Variants in SNX13 observed in about 807,000 individuals in gnomAD.
The protein encoded by SNX13 is sorting nexin-13.
A neutral mutation model predicts 133.6 loss-of-function variants in SNX13; 45 were observed. That is an observed-to-expected ratio of 0.34 (90% CI 0.27 to 0.43). The LOEUF (loss-of-function observed/expected upper bound fraction) is 0.43, where lower values mean the gene tolerates loss of function less well. Ranked by LOEUF, SNX13 falls within the 20% of genes least tolerant of loss-of-function variation. The probability of loss-of-function intolerance (pLI) is 1.00; values close to 1 mark genes in which losing one functional copy is unlikely to be tolerated. For synonymous variants in SNX13, 414 were observed against 373.9 expected (o/e 1.11, Z -1.24); for missense variants, 1,032 against 1,145.1 (o/e 0.90, Z 1.43).
chr7:17,814,729 T>C, intron 20 of SNX13, 105 bp downstream of exon 20: 2 of 934,184 alleles, frequency 2.1e-6, no homozygotes, highest in Non-Finnish European at 3.1e-6. Flanking sequence ...TAAAATTTTC[T>C]AGTTTTAAAA....
At chr7:17,916,044 G>A (rs997298283) in intron 1 of SNX13, among the ~76,000 whole-genome samples, 5 of 152,102 alleles carry the variant, frequency 3.3e-5, no homozygotes, top group Non-Finnish European at 7.4e-5. Context: ...TAAACATCCT[G>A]CTCCTGAATG....
At chr7:17,828,475 A>G (rs1788144667) in intron 16 of SNX13, among the ~76,000 whole-genome samples, 1 of 151,700 alleles carries the variant, frequency 6.6e-6, no homozygotes, top group Non-Finnish European at 1.5e-5. Context: ...AATGCTTGTA[A>G]TTTACCTACC....
At chr7:17,916,384 A>T (rs2128028893) in intron 1 of SNX13, among the ~76,000 whole-genome samples, 1 of 152,312 alleles carries the variant, frequency 6.6e-6, no homozygotes, top group East Asian at 1.9e-4. Flanking sequence ...TGGTTATTTG[A>T]AAGGATAAAT....
intron 1 of SNX13, among the ~76,000 whole-genome samples, chr7:17,916,333 G>C (rs1799562668): frequency 6.6e-6 from 1 of 152,112 alleles, no homozygotes; most frequent in Admixed American, 6.6e-5. Context: ...CAATGAAATT[G>C]AAAGCCAAAA....
intron 16 of SNX13, among the ~76,000 whole-genome samples, chr7:17,829,587 A>T (rs1427621724): frequency 6.6e-6 from 1 of 151,444 alleles, no homozygotes; most frequent in African/African-American, 2.4e-5. Context: ...GGTTTTGGTT[A>T]TCCCCACTAG....
intron 20 of SNX13, among the ~76,000 whole-genome samples, chr7:17,808,301 G>A (rs1013403178): frequency 2.5e-4 from 38 of 152,168 alleles, no homozygotes; most frequent in Non-Finnish European, 8.8e-5. Flanking sequence ...AGAACTTTGT[G>A]AAGCATACAC....
At chr7:17,848,688 G>A (rs565445136) in intron 11 of SNX13, among the ~76,000 whole-genome samples, 1 of 152,292 alleles carries the variant, frequency 6.6e-6, no homozygotes, top group African/African-American at 2.4e-5. Context: ...CAGTGGGTCC[G>A]AGTGAGTGGA....
intron 9 of SNX13, among the ~76,000 whole-genome samples, chr7:17,860,005 T>C (rs1792452248): frequency 6.6e-6 from 1 of 152,164 alleles, no homozygotes; most frequent in South Asian, 2.1e-4. Flanking sequence ...TTCTTTTGGA[T>C]AGAGACCTAG....
At chr7:17,938,122 G>A (rs528219796) in intron 1 of SNX13, among the ~76,000 whole-genome samples, 3 of 152,218 alleles carry the variant, frequency 2.0e-5, no homozygotes, top group South Asian at 2.1e-4. Context: ...CTCAAAATAG[G>A]ACTAGTTTAC....
chr7:17,841,583 C>CACACACACACAT (rs1491551329), intron 12 of SNX13, among the ~76,000 whole-genome samples: 2 of 150,352 alleles, frequency 1.3e-5, no homozygotes, highest in African/African-American at 4.9e-5. Flanking sequence ...CACACACACA[C>CACACACACACAT]GCACACACAC....
rs1468251466 is a variant in SNX13 at position 17,790,985 on chromosome 7, A to G, written c.*3060T>C. On this transcript the variant is annotated 3_prime_UTR_variant, in exon 26 of 26. Transcript: ENST00000428135. ...ATTATAATCCTAAAATGTGCTCTTC[A>G]TATTTTTTCCCTTGTAATACAGGAG... 1 of 152,034 alleles carries G rather than the reference A, an allele frequency of 6.6e-6. No homozygotes were observed. The highest frequency in any genetic ancestry group is 2.4e-5 in the African/African-American group (1 of 41,440). The allele number at this position is 152,034 out of a possible 1,614,324, so 9.4% of individuals were successfully genotyped here. A position where few individuals can be genotyped will look rare whatever the true frequency, so the allele number is the denominator to read the frequency against.
chr7:17,859,779 C>G lies in SNX13; in HGVS notation c.837+8628G>C, dbSNP rs139938212. On this transcript the variant is annotated intron_variant, in intron 9 of 25. Coordinates refer to ENST00000428135, the MANE Select transcript of SNX13 (RefSeq NM_015132.5). Reference sequence around the variant, plus strand: ...TTGTCTTTCTGTGATAAGCTTATTTCACTTAACACAGTATTCTCAAGGTTC... The same window carrying G: ...TTGTCTTTCTGTGATAAGCTTATTTGACTTAACACAGTATTCTCAAGGTTC... Among the ~76,000 whole-genome samples, 747 of 152,232 alleles carry G rather than the reference C, an allele frequency of 4.9e-3. 5 individuals carry two copies. Among genetic ancestry groups the G allele is most frequent in the African/African-American group, 0.017 (721 of 41,562 alleles).
chr7:17,873,013 T>A (rs1161114717), intron 8 of SNX13, among the ~76,000 whole-genome samples: 2 of 152,234 alleles, frequency 1.3e-5, no homozygotes, highest in South Asian at 2.1e-4. Context: ...TTTTAAAGTT[T>A]CTGTCCAAAA....
chr7:17,836,485 G>C (rs557719923), intron 13 of SNX13, among the ~76,000 whole-genome samples: 4 of 152,006 alleles, frequency 2.6e-5, no homozygotes, highest in Non-Finnish European at 5.9e-5. Context: ...CAAACTTTAC[G>C]ACAGAGTGAG....
chr7:17,842,254 G>C (rs1268048088), intron 12 of SNX13, among the ~76,000 whole-genome samples: 2 of 151,988 alleles, frequency 1.3e-5, no homozygotes, highest in East Asian at 3.9e-4. Context: ...ATATCCAAAA[G>C]ATTATCAGCA....
Position 17,799,137 on chromosome 7 carries a change from T to G in SNX13, c.2316A>C (p.Pro772=). Residue 772 remains proline (P), a synonymous_variant, in exon 23 of 26, where the codon CCA becomes CCC. Transcript: ENST00000428135. The stretch of plus-strand genomic sequence containing the variant: ...CCATGAGAAGCAGCATTACCCTAAG[T>G]GGAATATTGTCATCCACCTGACAAA... The part of the protein sequence containing the change: ...QLDDNVDDNI[P]LRVMLLLMDE... The G allele has an allele frequency of 1.2e-6, 2 of 1,606,194 alleles. No individual in the cohort carries two copies. Among genetic ancestry groups the G allele is most frequent in the Non-Finnish European group, 1.7e-6 (2 of 1,176,298 alleles).
intron 10 of SNX13, 150 bp downstream of exon 10, chr7:17,850,675 CT>C: frequency 1.5e-6 from 1 of 681,462 alleles, no homozygotes; most frequent in Non-Finnish European, 2.3e-6. Context: ...AATGCTTTTA[CT>C]TTAACTAAGC....
chr7:17,830,842 A>G (rs544709460), intron 15 of SNX13: 2 of 984,348 alleles, frequency 2.0e-6, no homozygotes, highest in Non-Finnish European at 2.4e-6. Context: ...TTAAGAGGTT[A>G]TATATGAATT....
At chr7:17,878,228 A>C (rs1307520669) in intron 5 of SNX13, among the ~76,000 whole-genome samples, 2 of 152,128 alleles carry the variant, frequency 1.3e-5, no homozygotes, top group Non-Finnish European at 2.9e-5. Context: ...TCCCCCATAG[A>C]ATTCTTAGTA....
Sources: gnomAD v4.1 joint callset for allele counts (sites outside exome capture counted in the v4.1 genomes callset) on GRCh38, gnomAD v4.1.1 for gene constraint, MANE v1.5 for transcripts, NCBI Gene and HGNC (gene_info 2026-07-23, HGNC 2026-07-21) for gene names.